The following STAT4 variants were observed in gnomAD, a reference collection of about 807,000 sequenced individuals.
The protein encoded by STAT4 is signal transducer and activator of transcription 4.
In STAT4, 42 loss-of-function variants were observed where a neutral mutation model predicts 110.5. The observed-to-expected ratio is 0.38, with a 90% CI of 0.30 to 0.49. The LOEUF is 0.49. Ranked by LOEUF, STAT4 falls within the 20% of genes least tolerant of loss-of-function variation. The pLI is 0.95. For missense variants in STAT4, 632 were observed against 887.9 expected (o/e 0.71, Z 3.66); for synonymous variants, 284 against 302.2 (o/e 0.94, Z 0.63).
At position 191,090,023 on chromosome 2, in the gene STAT4, T is replaced by C. The variant is rs1318592398; in HGVS notation, c.274-13698A>G. Among the ~76,000 whole-genome samples, 1 of 152,082 alleles carries C rather than the reference T, an allele frequency of 6.6e-6. No individual in the cohort carries two copies. Among genetic ancestry groups the C allele is most frequent in the Non-Finnish European group, 1.5e-5 (1 of 68,016 alleles). On this transcript the variant is annotated intron_variant, in intron 3 of 23. Coordinates refer to ENST00000392320, the MANE Select transcript of STAT4 (RefSeq NM_003151.4). The surrounding 1 kb of genome is among the most constrained non-coding windows in gnomAD (Gnocchi z 4.2). Reference sequence around the variant, plus strand: ...CACATTTGATAAAACACATAGAACATATAGTGAGCCCTAATGTAAATTATG... The same window carrying C: ...CACATTTGATAAAACACATAGAACACATAGTGAGCCCTAATGTAAATTATG...
intron 3 of STAT4, among the ~76,000 whole-genome samples, chr2:191,120,164 C>T (rs532997932): frequency 7.9e-5 from 12 of 152,006 alleles, no homozygotes; most frequent in Admixed American, 1.3e-4. Flanking sequence ...ACACAAAGAA[C>T]GGTAACATTT....
chr2:191,104,184 C>A lies in STAT4; in HGVS notation c.274-27859G>T, dbSNP rs976378528. The stretch of plus-strand genomic sequence containing the variant: ...TAAAGTATCAACAGTGGTTGCAAAT[C>A]TGGATGATAGAATTATGGATAAATA... On this transcript the variant is annotated intron_variant, in intron 3 of 23. Coordinates refer to ENST00000392320, the MANE Select transcript of STAT4 (RefSeq NM_003151.4). The surrounding 1 kb of genome is among the most constrained non-coding windows in gnomAD (Gnocchi z 4.3). Among the ~76,000 whole-genome samples the A allele has an allele frequency of 6.6e-6, 1 of 152,104 alleles. No homozygotes were observed. The highest frequency in any genetic ancestry group is 2.1e-4 in the South Asian group (1 of 4,826).
rs749359424 is a variant in STAT4, at chr2:191,032,904, T to G, written c.2044+54A>C. On this transcript the variant is annotated intron_variant, in intron 21 of 23. Coordinates refer to ENST00000392320, the MANE Select transcript of STAT4 (RefSeq NM_003151.4). The surrounding 1 kb of genome is among the most constrained non-coding windows in gnomAD (Gnocchi z 4.9). ...TCATTTACTTTGCTCCAATATGAGG[T>G]TATTTTCCAAAATCTTAAGGAAAAA... The G allele has an allele frequency of 6.5e-7, 1 of 1,534,316 alleles. No individual in the cohort carries two copies. The highest frequency in any genetic ancestry group is 8.8e-7 in the Non-Finnish European group (1 of 1,137,222).
chr2:191,125,533 G>T (rs866643220), intron 3 of STAT4, among the ~76,000 whole-genome samples: 1 of 134,594 alleles, frequency 7.4e-6, no homozygotes, highest in Admixed American at 7.8e-5. Context: ...TGTCACCCAG[G>T]CTGGAGTGCA....
chr2:191,031,138 G>A lies in STAT4; in HGVS notation c.2112-58C>T. The A allele has an allele frequency of 6.5e-7, 1 of 1,549,100 alleles. No individual in the cohort carries two copies. The highest frequency in any genetic ancestry group is 8.9e-7 in the Non-Finnish European group (1 of 1,122,614). ...GATTAAAAAATAATAATAGTTCACG[G>A]TGACTTACTATGTCAGGAACTCATT... On this transcript the variant is annotated intron_variant, in intron 22 of 23. Coordinates refer to ENST00000392320, the MANE Select transcript of STAT4 (RefSeq NM_003151.4). This position sits in a 1 kb window ranked among gnomAD's most constrained non-coding sequence, Gnocchi z 4.8.
chr2:191,102,511 C>G (rs1003476433), intron 3 of STAT4, among the ~76,000 whole-genome samples: 1 of 152,180 alleles, frequency 6.6e-6, no homozygotes, highest in African/African-American at 2.4e-5. Context: ...CTCACATTCA[C>G]TACAAGCTCC....
In STAT4 at chr2:191,035,136, C is replaced by T. The variant is rs1457115156; in HGVS notation, c.1571-539G>A. On this transcript the variant is annotated intron_variant, in intron 17 of 23. Coordinates refer to ENST00000392320, the MANE Select transcript of STAT4 (RefSeq NM_003151.4). The surrounding 1 kb of genome is among the most constrained non-coding windows in gnomAD (Gnocchi z 4.7). Reference sequence around the variant, plus strand: ...GAGCAGTGAAAGGATGCAAGAGTTTCCATCTAAATTTTTAAGGACATTATA... The same window carrying T: ...GAGCAGTGAAAGGATGCAAGAGTTTTCATCTAAATTTTTAAGGACATTATA... Among the ~76,000 whole-genome samples the T allele has an allele frequency of 6.6e-6, 1 of 152,086 alleles. No individual in the cohort carries two copies. Among genetic ancestry groups the T allele is most frequent in the Non-Finnish European group, 1.5e-5 (1 of 68,010 alleles).
At chr2:191,040,609 T>C (rs545017392) in intron 15 of STAT4, among the ~76,000 whole-genome samples, 207 of 152,318 alleles carry the variant, frequency 1.4e-3, no homozygotes, top group Non-Finnish European at 2.2e-3. Flanking sequence ...TCACCCAGGC[T>C]GGAGTGCAGT....
rs1644790261 is a variant in STAT4 at position 191,090,564 on chromosome 2, T to G, written c.274-14239A>C. Among the ~76,000 whole-genome samples, 1 of 152,044 alleles carries G rather than the reference T, an allele frequency of 6.6e-6. No homozygotes were observed. The highest frequency in any genetic ancestry group is 2.1e-4 in the South Asian group (1 of 4,814). On this transcript the variant is annotated intron_variant, in intron 3 of 23. Coordinates refer to ENST00000392320, the MANE Select transcript of STAT4 (RefSeq NM_003151.4). The surrounding 1 kb of genome is among the most constrained non-coding windows in gnomAD (Gnocchi z 4.2). Reference sequence around the variant, plus strand: ...ATTTATTTATTTTTAAACTACTACTTGGTTTGTTTGTTTGAGACAGAGTCT... The same window carrying G: ...ATTTATTTATTTTTAAACTACTACTGGGTTTGTTTGTTTGAGACAGAGTCT...
Position 191,146,870 on chromosome 2 carries a change from A to C in STAT4, c.129-113T>G. The C allele has an allele frequency of 9.6e-7, 1 of 1,046,186 alleles. No homozygotes were observed. The highest frequency in any genetic ancestry group is 1.3e-6 in the Non-Finnish European group (1 of 793,530). 64.8% of individuals were successfully genotyped at this position (1,046,186 alleles called of 1,614,324 possible). On this transcript the variant is annotated intron_variant, in intron 2 of 23. Transcript: ENST00000392320. This position sits in a 1 kb window ranked among gnomAD's most constrained non-coding sequence, Gnocchi z 4.5. ...TATTACATGGTGATAAGCATTTAAA[A>C]GTTTTAAAAAATTAAATTGTTAACA... is the stretch of plus-strand genomic sequence containing the variant.
chr2:191,147,013 G>A lies in STAT4; in HGVS notation c.129-256C>T, dbSNP rs921827245. Among the ~76,000 whole-genome samples the A allele has an allele frequency of 6.6e-6, 1 of 152,162 alleles. No individual in the cohort carries two copies. Among genetic ancestry groups the A allele is most frequent in the Non-Finnish European group, 1.5e-5 (1 of 67,998 alleles). ...AAAAGGAAAAGAAAAAACAGAAAAT[G>A]AGTGTTGGTGAGGATACAGAGAAAT... On this transcript the variant is annotated intron_variant, in intron 2 of 23. Transcript: ENST00000392320. The surrounding 1 kb of genome is among the most constrained non-coding windows in gnomAD (Gnocchi z 4.1).
In STAT4 at chr2:191,098,468, A is replaced by G. The variant is rs533819053; in HGVS notation, c.274-22143T>C. ...ATGAGTTCATGTCCTTTGCAGGGAC[A>G]TGGATGAAGCTGGAAACCCTCATTC... On this transcript the variant is annotated intron_variant, in intron 3 of 23. Transcript: ENST00000392320. Among the ~76,000 whole-genome samples the G allele has an allele frequency of 3.3e-5, 5 of 152,324 alleles. No homozygotes were observed. In the South Asian group the frequency reaches 1.0e-3, roughly 32 times the overall value.
At chr2:191,093,650 T>G (rs1487622386) in intron 3 of STAT4, among the ~76,000 whole-genome samples, 2 of 152,172 alleles carry the variant, frequency 1.3e-5, no homozygotes, top group Admixed American at 6.5e-5. Flanking sequence ...GCAGAAAAGC[T>G]GAGAATTCTA....
At chr2:191,045,764 A>C (rs1002776148) in intron 14 of STAT4, among the ~76,000 whole-genome samples, 2 of 152,218 alleles carry the variant, frequency 1.3e-5, no homozygotes, top group African/African-American at 4.8e-5. Context: ...GTGATACCTT[A>C]CATTGCCTGC....
At chr2:191,092,190 G>A (rs1697817718) in intron 3 of STAT4, among the ~76,000 whole-genome samples, 1 of 152,120 alleles carries the variant, frequency 6.6e-6, no homozygotes, top group Admixed American at 6.5e-5. Flanking sequence ...CAGATCACGA[G>A]GTTGGGAGTT....
chr2:191,056,446 G>A (rs188373904), intron 13 of STAT4, among the ~76,000 whole-genome samples: 84 of 152,286 alleles, frequency 5.5e-4, no homozygotes, highest in Non-Finnish European at 1.3e-4. Flanking sequence ...CTATACCAAG[G>A]AACATCCTAT....
rs565322570 is a variant in STAT4, at chr2:191,143,473, C to A, written c.273+3140G>T. Among the ~76,000 whole-genome samples, 1 of 152,252 alleles carries A rather than the reference C, an allele frequency of 6.6e-6. No individual in the cohort carries two copies. The highest frequency in any genetic ancestry group is 2.1e-4 in the South Asian group (1 of 4,818). ...CTTAAATAGGCCAAGGGCTGCTGAA[C>A]GATGGTGTTTATTGCTTCCACCTTG... On this transcript the variant is annotated intron_variant, in intron 3 of 23. Transcript: ENST00000392320. This position sits in a 1 kb window ranked among gnomAD's most constrained non-coding sequence, Gnocchi z 5.6.
chr2:191,151,267 G>C (rs1449997088), upstream of STAT4: 1 of 985,466 alleles, frequency 1.0e-6, no homozygotes, highest in African/African-American at 1.7e-5. The surrounding 1 kb of genome is among the most constrained non-coding windows in gnomAD (Gnocchi z 4.7). Context: ...AAAAGGGGAG[G>C]GGCGGGGCAT....
chr2:191,122,907 T>C (rs967099073), intron 3 of STAT4, among the ~76,000 whole-genome samples: 1 of 152,224 alleles, frequency 6.6e-6, no homozygotes, highest in African/African-American at 2.4e-5. Context: ...GTGGTAGTTA[T>C]ATGGATGTAT....
Sources: gnomAD v4.1 joint callset for allele counts (sites outside exome capture counted in the v4.1 genomes callset) on GRCh38, gnomAD v4.1.1 for gene constraint, Gnocchi (gnomAD v3.1) non-coding constraint, MANE v1.5 for transcripts, NCBI Gene and HGNC (gene_info 2026-07-23, HGNC 2026-07-21) for gene names.